The following SLIT3 variants were observed in gnomAD, a reference collection of about 807,000 sequenced individuals.
SLIT3 encodes the protein slit homolog 3 protein.
Under a neutral mutation model 184.0 loss-of-function variants are expected in SLIT3, and 68 were observed. That is an observed-to-expected ratio of 0.37 (90% confidence interval 0.30 to 0.45). The LOEUF is 0.45. Among genes scored for constraint, SLIT3 ranks in the 20% least tolerant of loss-of-function variants. The pLI, the probability that SLIT3 is intolerant of heterozygous loss-of-function variation, is 1.00. For missense variants in SLIT3, 1,707 were observed against 2,026.0 expected, an observed-to-expected ratio of 0.84 and a Z score of 3.02; for synonymous variants, 831 against 828.6, an observed-to-expected ratio of 1.00 and a Z score of -0.05.
At chr5:169,222,693 G>A (rs967160958) in intron 3 of SLIT3, among the ~76,000 whole-genome samples, 1 of 152,194 alleles carries the variant, frequency 6.6e-6, no homozygotes, top group African/African-American at 2.4e-5. Flanking sequence ...AAAGCACTCA[G>A]GAAAGCTTAG....
intron 3 of SLIT3, among the ~76,000 whole-genome samples, chr5:169,232,084 T>C (rs1194293040): frequency 6.6e-6 from 1 of 152,224 alleles, no homozygotes; most frequent in Non-Finnish European, 1.5e-5. Flanking sequence ...GCACTGCCAA[T>C]ATCTTCACCC....
intron 4 of SLIT3, among the ~76,000 whole-genome samples, chr5:169,113,801 A>G (rs1378192922): frequency 6.6e-6 from 1 of 151,676 alleles, no homozygotes; most frequent in Admixed American, 6.6e-5. Context: ...GATTACTGAC[A>G]TGTGCCATCA....
chr5:168,766,595 G>A (rs79504035), intron 14 of SLIT3, among the ~76,000 whole-genome samples: 257 of 152,356 alleles, frequency 1.7e-3, no homozygotes, highest in African/African-American at 5.9e-3. Context: ...AATACCCATG[G>A]TCTGAGGCTG....
Position 168,762,640 on chromosome 5 carries a change from G to A in SLIT3, c.1509C>T (p.Leu503=), listed in dbSNP as rs766484740. 2.7e-5 allele frequency: 43 copies of A among 1,614,040 alleles called. No individual in the cohort carries two copies. The highest frequency in any genetic ancestry group is 3.6e-5 in the Non-Finnish European group (42 of 1,180,044). ...CACAGCGACACTTCTCGGGGCACAC[G>A]AGGTCCATGAAGCACTCGCTGCTGA... ...SRFSSECFMD[L]VCPEKCRCEG... Residue 503 remains leucine (L), a synonymous_variant, in exon 15 of 36, where the codon CTC becomes CTT. Transcript: ENST00000519560.
chr5:169,034,958 T>TGTGTGTGTGTGTG (rs1757181392), intron 4 of SLIT3, among the ~76,000 whole-genome samples: 2 of 145,350 alleles, frequency 1.4e-5, no homozygotes, highest in African/African-American at 2.6e-5. Flanking sequence ...TGTGTGTGTG[T>TGTGTGTGTGTGTG]TTTGGTAGAG....
In SLIT3 at chr5:168,756,852, T is replaced by C. The variant is rs571273774; in HGVS notation, c.1686-2845A>G. ...CAGATGAGTTAAAGCAGCTATGAAG[T>C]GGGAGGGTTCCCATTTCCTGACATC... is the stretch of plus-strand genomic sequence containing the variant. On this transcript the variant is annotated intron_variant, in intron 16 of 35. Coordinates refer to ENST00000519560, the MANE Select transcript of SLIT3 (RefSeq NM_003062.4). Among the ~76,000 whole-genome samples the C allele has an allele frequency of 1.4e-3, 212 of 152,288 alleles. 2 individuals are homozygous for C. The highest frequency in any genetic ancestry group is 5.0e-3 in the African/African-American group (207 of 41,568).
intron 7 of SLIT3, among the ~76,000 whole-genome samples, chr5:168,822,992 G>A (rs968410936): frequency 2.0e-5 from 3 of 152,174 alleles, no homozygotes; most frequent in East Asian, 3.8e-4. Context: ...CACAACACAG[G>A]AAGAATTCCC....
At chr5:169,205,065 A>C (rs958488814) in intron 3 of SLIT3, among the ~76,000 whole-genome samples, 2 of 152,168 alleles carry the variant, frequency 1.3e-5, no homozygotes, top group African/African-American at 4.8e-5. Flanking sequence ...ATGTGCTGAG[A>C]GCAATTATGA....
intron 4 of SLIT3, among the ~76,000 whole-genome samples, chr5:168,962,754 G>C (rs1003753034): frequency 7.4e-6 from 1 of 134,436 alleles, no homozygotes; most frequent in African/African-American, 3.2e-5. Flanking sequence ...AGGGATGAAA[G>C]GTGGGCGCAG....
chr5:168,972,402 G>A (rs1008347763), intron 4 of SLIT3, among the ~76,000 whole-genome samples: 2 of 128,958 alleles, frequency 1.6e-5, no homozygotes, highest in Non-Finnish European at 3.3e-5. Flanking sequence ...AAAAGAAAGA[G>A]TCTTAGGTTT....
chr5:168,803,599 G>C (rs1352146908), intron 9 of SLIT3, among the ~76,000 whole-genome samples: 4 of 152,300 alleles, frequency 2.6e-5, no homozygotes, highest in Middle Eastern at 6.8e-3. Context: ...AAGTGGAAGG[G>C]GGGTGGCAGG....
At chr5:169,137,335 C>CACAG (rs368371904) in intron 4 of SLIT3, among the ~76,000 whole-genome samples, 7,219 of 138,488 alleles carry the variant, frequency 0.052, 700 homozygotes, top group African/African-American at 0.19. Flanking sequence ...CACACACACA[C>CACAG]AGAGAGAGAG....
At chr5:169,076,952 G>T (rs563805195) in intron 4 of SLIT3, among the ~76,000 whole-genome samples, 1 of 150,800 alleles carries the variant, frequency 6.6e-6, no homozygotes, top group Non-Finnish European at 1.5e-5. Flanking sequence ...ATACACACAC[G>T]CACACACACA....
chr5:168,740,946 C>T (rs547175845), intron 20 of SLIT3, among the ~76,000 whole-genome samples: 1 of 152,354 alleles, frequency 6.6e-6, no homozygotes, highest in East Asian at 1.9e-4. Context: ...GGGTCATTCT[C>T]TGCAGCCCCG....
chr5:169,192,624 G>A (rs1164789490), intron 4 of SLIT3, among the ~76,000 whole-genome samples: 1 of 152,116 alleles, frequency 6.6e-6, no homozygotes, highest in Non-Finnish European at 1.5e-5. Flanking sequence ...CCACAACGTT[G>A]GAGCCTCCCT....
chr5:169,218,182 C>T (rs1764510091), intron 3 of SLIT3, among the ~76,000 whole-genome samples: 1 of 152,210 alleles, frequency 6.6e-6, no homozygotes, highest in South Asian at 2.1e-4. Flanking sequence ...GTATGTCCTT[C>T]AAATGTCCCC....
intron 4 of SLIT3, among the ~76,000 whole-genome samples, chr5:168,990,400 G>A (rs1441763375): frequency 3.3e-5 from 5 of 152,132 alleles, no homozygotes; most frequent in African/African-American, 9.7e-5. Flanking sequence ...TTCAGATCCC[G>A]TGAGATCTTC....
At chr5:168,682,607 CA>C (rs1761625079) in intron 32 of SLIT3, among the ~76,000 whole-genome samples, 1 of 152,198 alleles carries the variant, frequency 6.6e-6, no homozygotes, top group Non-Finnish European at 1.5e-5. Flanking sequence ...GATGATTTAT[CA>C]GGGGCCTTGA....
intron 20 of SLIT3, among the ~76,000 whole-genome samples, chr5:168,739,060 T>C (rs1310934814): frequency 6.6e-6 from 1 of 151,990 alleles, no homozygotes; most frequent in African/African-American, 2.4e-5. Flanking sequence ...CAACTTTCCC[T>C]CACTTAAAGA....
Sources: gnomAD v4.1 joint callset for allele counts (sites outside exome capture counted in the v4.1 genomes callset) on GRCh38, gnomAD v4.1.1 for gene constraint, MANE v1.5 for transcripts, NCBI Gene and HGNC (gene_info 2026-07-23, HGNC 2026-07-21) for gene names.